Variants in MTMR12 observed in about 807,000 individuals in gnomAD.
The protein encoded by MTMR12 is myotubularin related protein 12, also known as myotubularin-related protein 12.
A neutral mutation model predicts 96.7 loss-of-function variants in MTMR12; 33 were observed. That is an observed-to-expected ratio of 0.34 (90% confidence interval 0.26 to 0.46). The LOEUF (loss-of-function observed/expected upper bound fraction) is 0.46, where lower values mean the gene tolerates loss of function less well. Among genes scored for constraint, MTMR12 ranks in the 20% least tolerant of loss-of-function variants. The probability of loss-of-function intolerance (pLI) is 1.00; values close to 1 mark genes in which losing one functional copy is unlikely to be tolerated. For synonymous variants in MTMR12, 298 were observed against 327.2 expected, an observed-to-expected ratio of 0.91 and a Z score of 0.96; for missense variants, 721 against 896.1, an observed-to-expected ratio of 0.80 and a Z score of 2.49.
chr5:32,312,897 T>C lies in MTMR12; in HGVS notation c.-59A>G. ...CAGAGGCGGCGGCTCGGGCTCCAGC[T>C]GGGGCAGCAGCGGCGGCCACCAGCA... On this transcript the variant is annotated 5_prime_UTR_variant, in exon 1 of 16. Transcript: ENST00000382142. This position sits in a 1 kb window ranked among gnomAD's most constrained non-coding sequence, Gnocchi z 5.0. The C allele has an allele frequency of 1.4e-6, 2 of 1,459,514 alleles. No homozygotes were observed. Among genetic ancestry groups the C allele is most frequent in the East Asian group, 5.7e-5 (2 of 34,826 alleles). The allele number at this position is 1,459,514 out of a possible 1,614,324, so 90.4% of individuals were successfully genotyped here. A position where few individuals can be genotyped will look rare whatever the true frequency, so the allele number is the denominator to read the frequency against.
intron 15 of MTMR12, among the ~76,000 whole-genome samples, chr5:32,232,172 C>G (rs1361860889): frequency 6.6e-6 from 1 of 152,218 alleles, no homozygotes; most frequent in East Asian, 1.9e-4. Flanking sequence ...ATGGGTCCCC[C>G]CCACCGTGTG....
At chr5:32,289,947 C>T (rs1373441399) in intron 1 of MTMR12, among the ~76,000 whole-genome samples, 1 of 152,134 alleles carries the variant, frequency 6.6e-6, no homozygotes, top group East Asian at 1.9e-4. Context: ...TTCCCACATC[C>T]CTGTTCAACT....
Position 32,260,034 on chromosome 5 carries a change from T to A in MTMR12, c.713+3079A>T, listed in dbSNP as rs1581609735. Among the ~76,000 whole-genome samples the A allele has an allele frequency of 1.1e-4, 9 of 80,310 alleles. No homozygotes were observed. The Admixed American group carries it at 1.4e-3, about 12-fold the overall frequency. The allele number at this position is 80,310 out of a possible 152,430, so 52.7% of individuals were successfully genotyped here. A position where few individuals can be genotyped will look rare whatever the true frequency, so the allele number is the denominator to read the frequency against. On this transcript the variant is annotated intron_variant, in intron 7 of 15. Coordinates refer to ENST00000382142, the MANE Select transcript of MTMR12 (RefSeq NM_001040446.3). ...CTGGGTGACAGAGTGAGACTCAGTC[T>A]CCCAAAAAAAAAAAAAAAAAAAGCG...
At chr5:32,240,839 G>A (rs1357620542) in intron 12 of MTMR12, among the ~76,000 whole-genome samples, 2 of 152,154 alleles carry the variant, frequency 1.3e-5, no homozygotes, top group African/African-American at 4.8e-5. Flanking sequence ...GGCCCCAAGT[G>A]ATCTGCCTGC....
At chr5:32,263,034 A>G (rs1749429338) in intron 7 of MTMR12, 79 bp downstream of exon 7, 1 of 1,547,540 alleles carries the variant, frequency 6.5e-7, no homozygotes, top group Non-Finnish European at 8.8e-7. Context: ...TGACTGCACA[A>G]CCCTGTGAAT....
chr5:32,228,516 AATATATATC>A lies in MTMR12; in HGVS notation c.*1253_*1261del, dbSNP rs1478742231. 3 of 108,224 alleles carry A rather than the reference AATATATATC, an allele frequency of 2.8e-5. No homozygotes were observed. The highest frequency in any genetic ancestry group is 9.5e-5 in the African/African-American group (3 of 31,586). 6.7% of individuals were successfully genotyped at this position (108,224 alleles called of 1,614,324 possible). On this transcript the variant is annotated 3_prime_UTR_variant, in exon 16 of 16. Coordinates refer to ENST00000382142, the MANE Select transcript of MTMR12 (RefSeq NM_001040446.3). ...AAGTATACTTTCCTGCATTAAAAAA[AATATATATC>A]ATATATATGATATATATATCATATA...
intron 7 of MTMR12, among the ~76,000 whole-genome samples, chr5:32,258,989 G>A (rs899846664): frequency 6.6e-6 from 1 of 150,946 alleles, no homozygotes; most frequent in Non-Finnish European, 1.5e-5. Context: ...GTACAGAGAC[G>A]AAGAGCACTG....
intron 10 of MTMR12, among the ~76,000 whole-genome samples, chr5:32,246,476 C>T (rs1748696207): frequency 6.6e-6 from 1 of 152,180 alleles, no homozygotes; most frequent in Non-Finnish European, 1.5e-5. Flanking sequence ...GTTTGCTCAA[C>T]TTTATCCTTT....
At chr5:32,281,656 C>T (rs556494558) in intron 1 of MTMR12, among the ~76,000 whole-genome samples, 83 of 152,294 alleles carry the variant, frequency 5.4e-4, no homozygotes, top group African/African-American at 2.0e-3. Context: ...AATCCCAGCA[C>T]TCTGGGAGGC....
In MTMR12 at chr5:32,243,539, C is replaced by T. The variant is rs1197886763; in HGVS notation, c.1082G>A (p.Ser361Asn). Reference sequence around the variant, plus strand: ...GAAATACCTGATTATGTCAAGCCAGCTGCTACTTTCCAACAGAGAAAACCA... The same window carrying T: ...GAAATACCTGATTATGTCAAGCCAGTTGCTACTTTCCAACAGAGAAAACCA... ...IKWFSLLESS[S>N]WLDIIRRCLK... Residue 361 changes from serine to asparagine, a missense_variant, in exon 11 of 16, where the codon AGC becomes AAC. Coordinates refer to ENST00000382142, the MANE Select transcript of MTMR12 (RefSeq NM_001040446.3). 1.2e-6 allele frequency: 2 copies of T among 1,611,666 alleles called. No individual in the cohort carries two copies. Among genetic ancestry groups the T allele is most frequent in the East Asian group, 2.2e-5 (1 of 44,866 alleles).
At chr5:32,281,375 C>G (rs1248844788) in intron 1 of MTMR12, among the ~76,000 whole-genome samples, 1 of 151,636 alleles carries the variant, frequency 6.6e-6, no homozygotes, top group Non-Finnish European at 1.5e-5. Flanking sequence ...TTCTGTGGAT[C>G]AGGAATTCCT....
intron 1 of MTMR12, among the ~76,000 whole-genome samples, chr5:32,278,769 G>C (rs992449926): frequency 1.3e-5 from 2 of 152,114 alleles, no homozygotes; most frequent in Non-Finnish European, 2.9e-5. Context: ...TAAAAGCTAC[G>C]ACTGTTTTGG....
intron 1 of MTMR12, among the ~76,000 whole-genome samples, chr5:32,290,387 A>G (rs2112128935): frequency 6.6e-6 from 1 of 152,286 alleles, no homozygotes; most frequent in Middle Eastern, 3.4e-3. Context: ...GAGGATGGGA[A>G]CTAAATCCAA....
chr5:32,265,436 G>C (rs1050913307), intron 6 of MTMR12, among the ~76,000 whole-genome samples: 2 of 152,258 alleles, frequency 1.3e-5, no homozygotes, highest in East Asian at 3.9e-4. Context: ...CCTATGCTGG[G>C]TACAGAACAA....
intron 8 of MTMR12, among the ~76,000 whole-genome samples, chr5:32,254,819 G>A (rs1345521409): frequency 6.6e-6 from 1 of 151,984 alleles, no homozygotes; most frequent in African/African-American, 2.4e-5. Context: ...ACTCCAGCCT[G>A]GGCAACAAGA....
intron 1 of MTMR12, among the ~76,000 whole-genome samples, chr5:32,284,105 G>A (rs903767964): frequency 4.6e-5 from 7 of 151,972 alleles, no homozygotes; most frequent in South Asian, 2.1e-4. Context: ...TTAAGAATTC[G>A]AGACTAGCCT....
At chr5:32,291,379 A>G (rs1750731793) in intron 1 of MTMR12, among the ~76,000 whole-genome samples, 1 of 152,208 alleles carries the variant, frequency 6.6e-6, no homozygotes, top group Admixed American at 6.5e-5. Flanking sequence ...GTCCGATTAT[A>G]TACTGATTCA....
intron 1 of MTMR12, among the ~76,000 whole-genome samples, chr5:32,307,468 C>CCCT (rs1751406355): frequency 6.6e-6 from 1 of 152,088 alleles, no homozygotes. Flanking sequence ...CCAGATCCCT[C>CCCT]CCTCCTATTC....
chr5:32,274,567 G>A (rs1749976364), intron 2 of MTMR12, among the ~76,000 whole-genome samples: 1 of 152,128 alleles, frequency 6.6e-6, no homozygotes. Flanking sequence ...CCTGTGAGAG[G>A]GGGCAGCTTC....
Sources: allele counts gnomAD v4.1 joint callset (sites outside exome capture counted in the v4.1 genomes callset), GRCh38; gene constraint gnomAD v4.1.1; non-coding constraint Gnocchi (gnomAD v3.1); transcripts MANE v1.5; gene names NCBI Gene and HGNC (gene_info 2026-07-23, HGNC 2026-07-21).